The following GSG1L variants were observed in gnomAD, a reference collection of about 807,000 sequenced individuals.
The protein encoded by GSG1L is GSG1 like.
Under a neutral mutation model 42.1 loss-of-function variants are expected in GSG1L, and 24 were observed. That is an observed-to-expected ratio of 0.57 (90% CI 0.41 to 0.80). The LOEUF (loss-of-function observed/expected upper bound fraction) is 0.80, where lower values mean the gene tolerates loss of function less well. GSG1L is among the 30% of genes least tolerant of loss of function. The pLI is 0.00. For missense variants in GSG1L, 445 were observed against 472.2 expected (o/e 0.94, Z 0.53); for synonymous variants, 215 against 203.5 (o/e 1.06, Z -0.48).
At chr16:27,803,668 G>A (rs1024368696) in intron 6 of GSG1L, among the ~76,000 whole-genome samples, 3 of 151,658 alleles carry the variant, frequency 2.0e-5, no homozygotes, top group Admixed American at 6.6e-5. Context: ...TCCCAAGAAC[G>A]ACTGCAACAG....
chr16:27,814,634 G>C (rs1644608), intron 5 of GSG1L, among the ~76,000 whole-genome samples: 1 of 149,164 alleles, frequency 6.7e-6, no homozygotes, highest in Non-Finnish European at 1.5e-5. Flanking sequence ...GCAGTGAGCC[G>C]AGATTGCACC....
chr16:27,992,678 T>A (rs2085469177), intron 1 of GSG1L, among the ~76,000 whole-genome samples: 1 of 152,150 alleles, frequency 6.6e-6, no homozygotes, highest in African/African-American at 2.4e-5. Flanking sequence ...TTTGCATAGA[T>A]CTGCTCATTG....
rs902102906 is a variant in GSG1L, at chr16:27,950,412, T to C, written c.397+12744A>G. On this transcript the variant is annotated intron_variant, in intron 2 of 6. Transcript: ENST00000447459. ...GAGCAACTAAAGCAATTATTAGATGTTGTGATCTCCAGGAGCAATCTTCCA... is the reference window on the plus strand; with the variant it reads ...GAGCAACTAAAGCAATTATTAGATGCTGTGATCTCCAGGAGCAATCTTCCA... Among the ~76,000 whole-genome samples, 3 of 152,304 alleles carry C rather than the reference T, an allele frequency of 2.0e-5. No individual in the cohort carries two copies. The South Asian group carries it at 6.2e-4, about 32-fold the overall frequency.
intron 1 of GSG1L, among the ~76,000 whole-genome samples, chr16:28,039,858 C>T (rs2086087557): frequency 6.6e-6 from 1 of 152,142 alleles, no homozygotes. Flanking sequence ...GGGCTTCTTT[C>T]CTTGGTCAAC....
At chr16:27,905,976 T>C (rs2084317341) in intron 2 of GSG1L, among the ~76,000 whole-genome samples, 2 of 152,162 alleles carry the variant, frequency 1.3e-5, no homozygotes, top group Non-Finnish European at 2.9e-5. Flanking sequence ...TTCTCTCATC[T>C]GGGAGGCACC....
chr16:27,844,530 C>T (rs1596550555), intron 4 of GSG1L, among the ~76,000 whole-genome samples: 1 of 152,170 alleles, frequency 6.6e-6, no homozygotes, highest in Admixed American at 6.5e-5. Context: ...CTGTCACCAC[C>T]GCCCAGTGCT....
chr16:27,952,990 G>C (rs2084966240), intron 2 of GSG1L, among the ~76,000 whole-genome samples: 1 of 152,208 alleles, frequency 6.6e-6, no homozygotes, highest in Admixed American at 6.5e-5. Flanking sequence ...TAGGGCTTCT[G>C]CATTTTCCGG....
intron 1 of GSG1L, among the ~76,000 whole-genome samples, chr16:28,050,592 G>T (rs1479716299): frequency 6.6e-6 from 1 of 152,224 alleles, no homozygotes; most frequent in Admixed American, 6.5e-5. Flanking sequence ...GAACAACTCG[G>T]CCAGCAGGTA....
chr16:27,956,313 T>C (rs2141100640), intron 2 of GSG1L, among the ~76,000 whole-genome samples: 1 of 152,288 alleles, frequency 6.6e-6, no homozygotes, highest in East Asian at 1.9e-4. Flanking sequence ...AATATTTAGG[T>C]CACTTTGGGA....
chr16:27,798,014 C>A (rs2082839711), intron 6 of GSG1L, among the ~76,000 whole-genome samples: 1 of 151,950 alleles, frequency 6.6e-6, no homozygotes, highest in African/African-American at 2.4e-5. Flanking sequence ...ATACCAGAAA[C>A]TGGGTGCTCC....
chr16:27,856,880 C>G (rs1365833588), intron 3 of GSG1L, among the ~76,000 whole-genome samples: 2 of 152,118 alleles, frequency 1.3e-5, no homozygotes, highest in African/African-American at 2.4e-5. Flanking sequence ...TGGCTCCCAT[C>G]AGAACGTGGA....
chr16:27,816,221 C>G (rs1457431644), intron 5 of GSG1L, among the ~76,000 whole-genome samples: 1 of 152,214 alleles, frequency 6.6e-6, no homozygotes, highest in Non-Finnish European at 1.5e-5. Flanking sequence ...CTCCTTTCCT[C>G]CATTCCAGCA....
chr16:27,980,270 G>A (rs897879492), intron 1 of GSG1L, among the ~76,000 whole-genome samples: 2 of 152,168 alleles, frequency 1.3e-5, no homozygotes, highest in Admixed American at 6.5e-5. Flanking sequence ...GAGACAGGGG[G>A]AAGGGGTCAC....
chr16:27,977,822 G>A (rs1454702286), intron 1 of GSG1L, among the ~76,000 whole-genome samples: 1 of 152,136 alleles, frequency 6.6e-6, no homozygotes, highest in East Asian at 1.9e-4. Context: ...ACAAATTCCA[G>A]AATTGGACCT....
At chr16:27,855,745 C>G (rs2083570009) in intron 3 of GSG1L, among the ~76,000 whole-genome samples, 1 of 147,538 alleles carries the variant, frequency 6.8e-6, no homozygotes, top group Non-Finnish European at 1.5e-5. Context: ...AAAAAAGAGA[C>G]CAACGGAACA....
chr16:27,869,289 GGA>G (rs2083772183), intron 3 of GSG1L, among the ~76,000 whole-genome samples: 1 of 151,654 alleles, frequency 6.6e-6, no homozygotes, highest in Admixed American at 6.5e-5. Flanking sequence ...GGGGTTTTGA[GGA>G]GAGTCAGTGG....
chr16:27,902,043 C>T (rs1359904857), intron 2 of GSG1L, among the ~76,000 whole-genome samples: 1 of 152,212 alleles, frequency 6.6e-6, no homozygotes, highest in East Asian at 1.9e-4. Flanking sequence ...GGTCCTTCCC[C>T]CTATTGTACT....
At chr16:28,020,825 C>T (rs897060357) in intron 1 of GSG1L, among the ~76,000 whole-genome samples, 2 of 152,182 alleles carry the variant, frequency 1.3e-5, no homozygotes, top group South Asian at 2.1e-4. Flanking sequence ...AAGGAGCTAA[C>T]TAGCCAGCCC....
Position 27,884,354 on chromosome 16 carries a change from G to C in GSG1L, c.550+132C>G, listed in dbSNP as rs938098242. ...TATGCATTGGTCATTTTTTACAAAC[G>C]ATAAAACTGAGGCTCACAGAAGAGA... On this transcript the variant is annotated intron_variant, in intron 3 of 6. Transcript: ENST00000447459. This position sits in a 1 kb window ranked among gnomAD's most constrained non-coding sequence, Gnocchi z 4.4. The C allele has an allele frequency of 2.5e-6, 2 of 809,200 alleles. No homozygotes were observed. 50.1% of individuals were successfully genotyped at this position (809,200 alleles called of 1,614,324 possible). A position where few individuals can be genotyped will look rare whatever the true frequency, so the allele number is the denominator to read the frequency against.
Sources: gnomAD v4.1 joint callset for allele counts (sites outside exome capture counted in the v4.1 genomes callset) on GRCh38, gnomAD v4.1.1 for gene constraint, Gnocchi (gnomAD v3.1) non-coding constraint, MANE v1.5 for transcripts, NCBI Gene and HGNC (gene_info 2026-07-23, HGNC 2026-07-21) for gene names.